Variants in TRMT11 observed in about 807,000 individuals in gnomAD.
TRMT11 encodes the protein tRNA (guanine(10)-N(2))-methyltransferase TRMT11.
TRMT11 carries 53 observed loss-of-function variants against 62.8 expected under a neutral mutation model. The ratio of observed to expected loss-of-function variants is 0.84; its 90% CI spans 0.68 to 1.06. The LOEUF (loss-of-function observed/expected upper bound fraction) is 1.06. Among genes scored for constraint, TRMT11 ranks in the 50% least tolerant of loss-of-function variants. TRMT11 has a pLI of 0.00. For synonymous variants in TRMT11, 188 were observed against 190.3 expected (o/e 0.99, Z 0.10); for missense variants, 556 against 553.4 (o/e 1.00, Z -0.05).
At chr6:125,999,699 T>C (rs1792162104) in intron 7 of TRMT11, 86 bp downstream of exon 7, 6 of 1,208,748 alleles carry the variant, frequency 5.0e-6, no homozygotes, top group Non-Finnish European at 7.0e-6. Flanking sequence ...GCTAAAAGAG[T>C]AAATGGATAA....
chr6:126,130,487 GTTC>G (rs905121698), intron 21 of TRMT11, among the ~76,000 whole-genome samples: 7 of 152,080 alleles, frequency 4.6e-5, no homozygotes, highest in African/African-American at 1.4e-4. Flanking sequence ...AAGTCAGAAT[GTTC>G]TTCTGCCTGT....
downstream of TRMT11, among the ~76,000 whole-genome samples, chr6:126,040,437 A>C (rs1429078947): frequency 1.3e-5 from 2 of 152,106 alleles, no homozygotes; most frequent in African/African-American, 4.8e-5. Context: ...TAAATAAAAA[A>C]GAAACCTGAT....
chr6:126,112,179 G>A (rs764357049), intron 17 of TRMT11, among the ~76,000 whole-genome samples: 4 of 152,070 alleles, frequency 2.6e-5, no homozygotes, highest in African/African-American at 4.8e-5. Flanking sequence ...TCTCTTTCTG[G>A]TTAGTGAACT....
chr6:126,045,994 A>T (rs1419163067), intron 16 of TRMT11, among the ~76,000 whole-genome samples: 1 of 152,090 alleles, frequency 6.6e-6, no homozygotes, highest in South Asian at 2.1e-4. Flanking sequence ...GTGGGAAGGG[A>T]TAGAAGAGGC....
chr6:126,092,038 A>G (rs1777282945), intron 17 of TRMT11, among the ~76,000 whole-genome samples: 1 of 152,176 alleles, frequency 6.6e-6, no homozygotes, highest in Non-Finnish European at 1.5e-5. Flanking sequence ...ATGTAATCAT[A>G]TGATTTTAAA....
chr6:126,011,785 T>C (rs968552372), intron 9 of TRMT11, among the ~76,000 whole-genome samples: 5 of 152,326 alleles, frequency 3.3e-5, no homozygotes, highest in African/African-American at 1.2e-4. Flanking sequence ...TTTGCAATTA[T>C]GGTGTCAAAT....
intron 6 of TRMT11, 67 bp from the exon 7 acceptor site, chr6:125,999,390 A>G (rs993541551): frequency 7.8e-7 from 1 of 1,287,772 alleles, no homozygotes; most frequent in Non-Finnish European, 1.1e-6. Flanking sequence ...CAATGGTCTT[A>G]TTGTGAGTGA....
At chr6:126,209,239 C>T in the TRMT11 span, among the ~76,000 whole-genome samples, 18,467 of 151,972 alleles carry the variant, frequency 0.12, 3,712 homozygotes, top group African/African-American at 0.42. Flanking sequence ...CTGACTGGAA[C>T]GACTTTGGCA....
At chr6:126,085,609 C>G (rs1403327354) in intron 17 of TRMT11, among the ~76,000 whole-genome samples, 2 of 152,148 alleles carry the variant, frequency 1.3e-5, no homozygotes, top group African/African-American at 4.8e-5. Context: ...CTGCAATAGG[C>G]AAATCCTTGG....
At chr6:126,033,538 A>G (rs1281224267) in intron 12 of TRMT11, among the ~76,000 whole-genome samples, 1 of 152,130 alleles carries the variant, frequency 6.6e-6, no homozygotes, top group Non-Finnish European at 1.5e-5. Flanking sequence ...GGACACTGAG[A>G]CAGTGTTACA....
intron 21 of TRMT11, among the ~76,000 whole-genome samples, chr6:126,149,834 G>A (rs1233660173): frequency 2.0e-5 from 3 of 152,178 alleles, no homozygotes; most frequent in Non-Finnish European, 4.4e-5. Context: ...CACCTGAGCA[G>A]CCAGCAGTGA....
At chr6:126,056,799 G>A (rs1434386922) in intron 17 of TRMT11, among the ~76,000 whole-genome samples, 1 of 152,176 alleles carries the variant, frequency 6.6e-6, no homozygotes, top group African/African-American at 2.4e-5. Flanking sequence ...TGTGTGAAGG[G>A]GAACTGGCCT....
At chr6:125,994,464 C>G (rs1265834876) in intron 2 of TRMT11, among the ~76,000 whole-genome samples, 1 of 152,010 alleles carries the variant, frequency 6.6e-6, no homozygotes, top group African/African-American at 2.4e-5. Flanking sequence ...CTAGCTCTAC[C>G]ATAATTAACC....
the TRMT11 span, among the ~76,000 whole-genome samples, chr6:126,246,038 C>CTT: frequency 6.6e-6 from 1 of 152,082 alleles, no homozygotes; most frequent in Non-Finnish European, 1.5e-5. Context: ...CTTTGGGAGA[C>CTT]TAAGCCCAGA....
the TRMT11 span, among the ~76,000 whole-genome samples, chr6:126,208,899 T>C: frequency 1.3e-5 from 2 of 152,234 alleles, no homozygotes; most frequent in African/African-American, 4.8e-5. Flanking sequence ...GGAAGACTAA[T>C]ATATATAATT....
chr6:126,053,854 C>A (rs1401053651), intron 17 of TRMT11, among the ~76,000 whole-genome samples: 1 of 152,136 alleles, frequency 6.6e-6, no homozygotes, highest in Non-Finnish European at 1.5e-5. Flanking sequence ...TGAGAGATGA[C>A]ATCTAAGTTA....
At chr6:126,023,679 C>T (rs188372454) in intron 12 of TRMT11, among the ~76,000 whole-genome samples, 1 of 152,058 alleles carries the variant, frequency 6.6e-6, no homozygotes, top group Non-Finnish European at 1.5e-5. Context: ...ATAAAAACCA[C>T]ACTGCCTGAT....
chr6:126,018,436 G>A (rs1009907078), intron 11 of TRMT11, among the ~76,000 whole-genome samples: 3 of 151,938 alleles, frequency 2.0e-5, no homozygotes, highest in Non-Finnish European at 2.9e-5. Context: ...AAATTGATTC[G>A]TGGAAAATCT....
intron 17 of TRMT11, among the ~76,000 whole-genome samples, chr6:126,084,197 A>G (rs1405802305): frequency 6.6e-6 from 1 of 152,162 alleles, no homozygotes; most frequent in Non-Finnish European, 1.5e-5. Flanking sequence ...GTACCAATCT[A>G]CATTCCCATC....
Sources: allele counts gnomAD v4.1 joint callset (sites outside exome capture counted in the v4.1 genomes callset), GRCh38; gene constraint gnomAD v4.1.1; transcripts MANE v1.5; gene names NCBI Gene and HGNC (gene_info 2026-07-23, HGNC 2026-07-21).